The following ATRNL1 variants were observed in gnomAD, a reference collection of about 807,000 sequenced individuals.
The protein encoded by ATRNL1 is attractin-like protein 1.
ATRNL1 carries 95 observed loss-of-function variants against 182.7 expected under a neutral mutation model. That is an observed-to-expected ratio of 0.52 (90% CI 0.44 to 0.62). The LOEUF (loss-of-function observed/expected upper bound fraction) is 0.62, where lower values mean the gene tolerates loss of function less well. Ranked by LOEUF, ATRNL1 falls within the 20% of genes least tolerant of loss-of-function variation. The pLI is 0.00. For missense variants in ATRNL1, 1,471 were observed against 1,679.5 expected (o/e 0.88, Z 2.17); for synonymous variants, 576 against 568.3 (o/e 1.01, Z -0.19).
At chr10:115,622,737 C>T (rs1555023386) in intron 26 of ATRNL1, among the ~76,000 whole-genome samples, 1 of 152,094 alleles carries the variant, frequency 6.6e-6, no homozygotes, top group African/African-American at 2.4e-5. Flanking sequence ...ACCATCCTGG[C>T]TTACACGGTG....
chr10:115,865,326 C>G (rs2134401430), intron 28 of ATRNL1, among the ~76,000 whole-genome samples: 1 of 152,222 alleles, frequency 6.6e-6, no homozygotes, highest in East Asian at 1.9e-4. Context: ...GATCTCTGTA[C>G]TCATTTGCAG....
chr10:115,763,245 A>G (rs1555074109), intron 27 of ATRNL1, among the ~76,000 whole-genome samples: 2 of 152,168 alleles, frequency 1.3e-5, no homozygotes, highest in African/African-American at 2.4e-5. Context: ...ACCAAGATCT[A>G]TGTTAAATCT....
intron 25 of ATRNL1, among the ~76,000 whole-genome samples, chr10:115,548,989 T>A (rs1852817990): frequency 6.6e-6 from 1 of 152,138 alleles, no homozygotes; most frequent in Non-Finnish European, 1.5e-5. Flanking sequence ...TTATTTAATA[T>A]GTTCATATAT....
chr10:115,569,259 C>G (rs1555002746), intron 26 of ATRNL1, among the ~76,000 whole-genome samples: 2 of 152,038 alleles, frequency 1.3e-5, no homozygotes, highest in Non-Finnish European at 2.9e-5. Context: ...TATGATTATA[C>G]CCTAACTTAT....
At chr10:115,426,197 G>C in intron 20 of ATRNL1, 53 bp from the exon 21 acceptor site, 1 of 1,437,974 alleles carries the variant, frequency 7.0e-7, no homozygotes, top group Non-Finnish European at 9.7e-7. Context: ...AGAAAAACAT[G>C]AGGCTTTTGA....
intron 5 of ATRNL1, among the ~76,000 whole-genome samples, chr10:115,156,952 G>A (rs1367336877): frequency 6.6e-6 from 1 of 152,076 alleles, no homozygotes; most frequent in Non-Finnish European, 1.5e-5. Flanking sequence ...CAGAGGCTGG[G>A]AAAGGTTTCG....
rs373251649 is a variant in ATRNL1, at chr10:115,230,910, AG to A, written c.1533-10660del. The stretch of plus-strand genomic sequence containing the variant: ...GAGAGAGAGAGAGAGAGAGAGAGAG[AG>A]AGAGAGAGAGAAAGAGAGAAATAGT... On this transcript the variant is annotated intron_variant, in intron 9 of 28. Coordinates refer to ENST00000355044, the MANE Select transcript of ATRNL1 (RefSeq NM_207303.4). 1.4e-3 allele frequency among the ~76,000 whole-genome samples: 204 copies of A among 144,194 alleles called. 1 individual carries two copies. The highest frequency in any genetic ancestry group is 5.0e-3 in the African/African-American group (181 of 35,958). 94.6% of individuals were successfully genotyped at this position (144,194 alleles called of 152,430 possible). A position where few individuals can be genotyped will look rare whatever the true frequency, so the allele number is the denominator to read the frequency against.
intron 5 of ATRNL1, among the ~76,000 whole-genome samples, chr10:115,152,727 C>T (rs1466836745): frequency 6.6e-6 from 1 of 152,074 alleles, no homozygotes; most frequent in African/African-American, 2.4e-5. Flanking sequence ...GCCTGATTGC[C>T]CTGGCCAGAA....
At chr10:115,313,769 G>T (rs1430846076) in intron 17 of ATRNL1, among the ~76,000 whole-genome samples, 1 of 152,032 alleles carries the variant, frequency 6.6e-6, no homozygotes, top group Non-Finnish European at 1.5e-5. Flanking sequence ...TTTATTCAGG[G>T]TGAGTCCCAC....
At chr10:115,425,264 T>C (rs960014685) in intron 20 of ATRNL1, among the ~76,000 whole-genome samples, 3 of 151,772 alleles carry the variant, frequency 2.0e-5, no homozygotes, top group Non-Finnish European at 2.9e-5. Context: ...TTTTAGACTC[T>C]TTTACCTCTT....
chr10:115,909,158 A>G (rs1298537640), intron 28 of ATRNL1, among the ~76,000 whole-genome samples: 1 of 151,014 alleles, frequency 6.6e-6, no homozygotes, highest in Non-Finnish European at 1.5e-5. Context: ...CCTAGGCGCA[A>G]TCCCCCTCCC....
At chr10:115,605,345 C>A (rs868937279) in intron 26 of ATRNL1, among the ~76,000 whole-genome samples, 1 of 152,100 alleles carries the variant, frequency 6.6e-6, no homozygotes, top group Middle Eastern at 3.4e-3. Context: ...AAATAATATA[C>A]TAGATCTTGA....
At position 115,301,921 on chromosome 10, in the gene ATRNL1, G is replaced by A; in HGVS notation, c.2696G>A (p.Cys899Tyr). 6.2e-7 allele frequency: 1 copy of A among 1,614,024 alleles called. No homozygotes were observed. Among genetic ancestry groups the A allele is most frequent in the South Asian group, 1.1e-5 (1 of 91,072 alleles). Residue 899 changes from cysteine (C) to tyrosine (Y), a missense_variant, in exon 17 of 29, where the codon TGT (cysteine) becomes TAT (tyrosine). By Grantham distance (194) the Cys-to-Tyr change is radical. Around this residue, in one of 3 missense-constraint regions of ATRNL1, gnomAD observed 1,031 missense variants for 1,156.0 expected, o/e 0.89. Coordinates refer to ENST00000355044, the MANE Select transcript of ATRNL1 (RefSeq NM_207303.4). ...PCSLRTSCSN[C>Y]TSNGMECMWC... The stretch of plus-strand genomic sequence containing the variant: ...TCTCTGAGGACATCATGTTCCAACT[G>A]TACAAGCAATGGCATGGAGTGTATG...
At chr10:115,506,224 C>T (rs1391661759) in intron 24 of ATRNL1, among the ~76,000 whole-genome samples, 1 of 151,930 alleles carries the variant, frequency 6.6e-6, no homozygotes, top group East Asian at 1.9e-4. Flanking sequence ...GCCTTGTTCC[C>T]CATAATTTGG....
At chr10:115,523,531 A>G (rs2133715007) in intron 25 of ATRNL1, among the ~76,000 whole-genome samples, 1 of 152,294 alleles carries the variant, frequency 6.6e-6, no homozygotes, top group Non-Finnish European at 1.5e-5. Context: ...ACTCTAGGTT[A>G]TTTATTTGCT....
intron 26 of ATRNL1, among the ~76,000 whole-genome samples, chr10:115,722,700 G>A (rs553672141): frequency 1.1e-3 from 171 of 152,060 alleles, no homozygotes; most frequent in African/African-American, 3.7e-3. Flanking sequence ...TTTCCAAATT[G>A]TTTTGAATAT....
At chr10:115,639,051 A>G (rs1160171349) in intron 26 of ATRNL1, among the ~76,000 whole-genome samples, 1 of 152,220 alleles carries the variant, frequency 6.6e-6, no homozygotes, top group African/African-American at 2.4e-5. Context: ...CAAGAAGACA[A>G]TTGAACACCA....
chr10:115,785,910 A>G (rs2134199617), intron 27 of ATRNL1, among the ~76,000 whole-genome samples: 1 of 152,324 alleles, frequency 6.6e-6, no homozygotes. Context: ...ATTGAGTTGA[A>G]CACAACTCAT....
chr10:115,865,070 G>A (rs1951409248), intron 28 of ATRNL1, among the ~76,000 whole-genome samples: 1 of 151,700 alleles, frequency 6.6e-6, no homozygotes, highest in Non-Finnish European at 1.5e-5. Flanking sequence ...AAAGTGCCAA[G>A]GTCATAAAAG....
Sources: gnomAD v4.1 joint callset for allele counts (sites outside exome capture counted in the v4.1 genomes callset) on GRCh38, gnomAD v4.1.1 for gene constraint, gnomAD v4.1.1 regional missense constraint, MANE v1.5 for transcripts, NCBI Gene and HGNC (gene_info 2026-07-23, HGNC 2026-07-21) for gene names.